The following SETMAR variants were observed in gnomAD, a reference collection of about 807,000 sequenced individuals.
The protein encoded by SETMAR is histone-lysine N-methyltransferase SETMAR.
In SETMAR, 44 loss-of-function variants were observed where a neutral mutation model predicts 58.4. The ratio of observed to expected loss-of-function variants is 0.75; its 90% CI spans 0.59 to 0.97. SETMAR has a LOEUF of 0.97. Among genes scored for constraint, SETMAR ranks in the 50% least tolerant of loss-of-function variants. The pLI, the probability that SETMAR is intolerant of heterozygous loss-of-function variation, is 0.00. For missense variants in SETMAR, 903 were observed against 840.2 expected (o/e 1.07, Z -0.92); for synonymous variants, 332 against 307.4 (o/e 1.08, Z -0.84).
Position 4,313,718 on chromosome 3 carries a change from C to T in SETMAR, c.977C>T (p.Ser326Leu), listed in dbSNP as rs1245972193. Residue 326 changes from serine to leucine, a missense_variant, in exon 2 of 3, where the codon TCA (serine) becomes TTA (leucine). Transcript: ENST00000358065. Reference sequence around the variant, plus strand: ...GAGAAGGAACCCAGCATGTGTGGCTCAGCCCCTTCTGTGTTCCCCTCCTGC... The same window carrying T: ...GAGAAGGAACCCAGCATGTGTGGCTTAGCCCCTTCTGTGTTCCCCTCCTGC... ...GNEKEPSMCG[S>L]APSVFPSCKR... The T allele has an allele frequency of 6.2e-7, 1 of 1,614,060 alleles. No individual in the cohort carries two copies. Among genetic ancestry groups the T allele is most frequent in the African/African-American group, 1.3e-5 (1 of 75,024 alleles).
At position 4,303,531 on chromosome 3, in the gene SETMAR, G is replaced by T; in HGVS notation, c.156+5G>T. On this transcript the variant is annotated splice_donor_5th_base_variant and intron_variant, in intron 1 of 2. Transcript: ENST00000358065. ...GCCGCGCCGGCGCCCTTCCAGGTAGGGGCGGGGCCAGGCGGCGCGGGAGGC... is the reference window on the plus strand; with the variant it reads ...GCCGCGCCGGCGCCCTTCCAGGTAGTGGCGGGGCCAGGCGGCGCGGGAGGC... The T allele has an allele frequency of 7.2e-7, 1 of 1,394,514 alleles. No homozygotes were observed. Among genetic ancestry groups the T allele is most frequent in the Non-Finnish European group, 9.3e-7 (1 of 1,078,344 alleles). The allele number at this position is 1,394,514 out of a possible 1,614,324, so 86.4% of individuals were successfully genotyped here.
intron 1 of SETMAR, among the ~76,000 whole-genome samples, chr3:4,311,947 C>G (rs1411219454): frequency 6.6e-6 from 1 of 152,122 alleles, no homozygotes; most frequent in Non-Finnish European, 1.5e-5. Context: ...GAGGATCTAA[C>G]CAGAGATCAG....
chr3:4,312,573 T>G (rs1465482821), intron 1 of SETMAR, among the ~76,000 whole-genome samples: 1 of 152,110 alleles, frequency 6.6e-6, no homozygotes, highest in African/African-American at 2.4e-5. Flanking sequence ...TAGCTGGACA[T>G]GGTGGTTCCC....
Position 4,303,487 on chromosome 3 carries a change from G to T in SETMAR, c.117G>T (p.Val39=). ...CGTGCGGCCAGGAAAACTTGCCGGT[G>T]GGCGCGTGGCCCCCGGGGGCCGCGC... is the stretch of plus-strand genomic sequence containing the variant. The part of the protein sequence containing the change: ...DVACGQENLP[V]GAWPPGAAPA... Residue 39 remains valine (V), a synonymous_variant, in exon 1 of 3, where the codon GTG becomes GTT. Coordinates refer to ENST00000358065, the MANE Select transcript of SETMAR (RefSeq NM_006515.4). The T allele has an allele frequency of 6.0e-6, 9 of 1,498,730 alleles. No individual in the cohort carries two copies. Among genetic ancestry groups the T allele is most frequent in the Non-Finnish European group, 5.3e-6 (6 of 1,129,198 alleles). The allele number at this position is 1,498,730 out of a possible 1,614,324, so 92.8% of individuals were successfully genotyped here.
rs769640075 is a variant in SETMAR, at chr3:4,313,513, C to T, written c.772C>T (p.Leu258Phe). 6.2e-7 allele frequency: 1 copy of T among 1,613,898 alleles called. No individual in the cohort carries two copies. Among genetic ancestry groups the T allele is most frequent in the Non-Finnish European group, 8.5e-7 (1 of 1,179,892 alleles). The change falls in exon 2 of 3, where the codon CTC (leucine) becomes TTC (phenylalanine). Residue 258 changes from leucine (L) to phenylalanine (F), a missense_variant. Transcript: ENST00000358065. ...AAKDIVPEEELSYDYSGRYLN... is the reference protein window; with the variant it reads ...AAKDIVPEEEFSYDYSGRYLN... The stretch of plus-strand genomic sequence containing the variant: ...CAAAGATATTGTGCCAGAAGAAGAA[C>T]TCTCTTATGATTATTCAGGAAGATA...
intron 1 of SETMAR, among the ~76,000 whole-genome samples, 195 bp from the exon 2 acceptor site, chr3:4,312,703 T>TAA (rs375529794): frequency 0.22 from 30,201 of 135,594 alleles, 3,526 homozygotes; most frequent in South Asian, 0.41. Context: ...CCCTGTCTCT[T>TAA]AAAAAAAAAA....
intron 2 of SETMAR, among the ~76,000 whole-genome samples, chr3:4,314,586 A>C (rs561629920): frequency 6.6e-6 from 1 of 152,268 alleles, no homozygotes; most frequent in East Asian, 1.9e-4. Context: ...TTCATTATAT[A>C]CTTGGCTGTA....
chr3:4,303,769 CT>C, intron 1 of SETMAR: 1 of 1,457,636 alleles, frequency 6.9e-7, no homozygotes, highest in Non-Finnish European at 9.2e-7. Context: ...AACCGGAGGC[CT>C]TGTGAGAACC....
At chr3:4,306,149 T>A (rs1383371538) in intron 1 of SETMAR, among the ~76,000 whole-genome samples, 1 of 152,214 alleles carries the variant, frequency 6.6e-6, no homozygotes, top group Non-Finnish European at 1.5e-5. Flanking sequence ...CGTGCGTGTG[T>A]GTGTGCGTTT....
chr3:4,312,761 AG>A, intron 1 of SETMAR, 136 bp from the exon 2 acceptor site: 1 of 893,596 alleles, frequency 1.1e-6, no homozygotes, highest in South Asian at 2.2e-5. Context: ...ACAATATCTT[AG>A]TATGCTGTGT....
Position 4,316,970 on chromosome 3 carries a change from T to A in SETMAR, c.1779T>A (p.His593Gln), listed in dbSNP as rs115355111. The A allele has an allele frequency of 1.2e-3, 1,895 of 1,549,450 alleles. 28 individuals are homozygous for A. In the African/African-American group the frequency reaches 0.023, roughly 19 times the overall value. ...PILLHDNARP[H>Q]VAQPTLQKLN... ...TTCTCCACGACAATGCCCGACCGCA[T>A]GTTGCACAACCCACACTTCAAAAGT... The change falls in exon 3 of 3, where the codon CAT (histidine) becomes CAA (glutamine). Residue 593 changes from histidine to glutamine, a missense_variant. His to Gln is a conservative substitution (Grantham distance 24, BLOSUM62 0). Transcript: ENST00000358065.
In SETMAR at chr3:4,305,529, A is replaced by G. The variant is rs147245805; in HGVS notation, c.156+2003A>G. ...CCTTGTTGTGGAAAGAAAGAAAAAG[A>G]GGGGGAAAGGGGATTCTCTATAGAA... On this transcript the variant is annotated intron_variant, in intron 1 of 2. Coordinates refer to ENST00000358065, the MANE Select transcript of SETMAR (RefSeq NM_006515.4). 1.7e-3 allele frequency among the ~76,000 whole-genome samples: 266 copies of G among 152,330 alleles called. 3 individuals are homozygous for G. In the East Asian group the frequency reaches 0.019, roughly 11 times the overall value.
chr3:4,315,009 A>C (rs970951346), intron 2 of SETMAR, among the ~76,000 whole-genome samples: 7 of 152,178 alleles, frequency 4.6e-5, no homozygotes, highest in African/African-American at 1.7e-4. Flanking sequence ...ATTATATCTC[A>C]ATAAAGCTAG....
At chr3:4,303,814 A>G (rs1279247840) in intron 1 of SETMAR, 1 of 1,381,762 alleles carries the variant, frequency 7.2e-7, no homozygotes, top group Non-Finnish European at 9.6e-7. Flanking sequence ...TCAGAACTCA[A>G]GGAGGCATCA....
At chr3:4,316,153 A>G (rs1445386745) in intron 2 of SETMAR, 59 bp from the exon 3 acceptor site, 1 of 622,570 alleles carries the variant, frequency 1.6e-6, no homozygotes, top group Non-Finnish European at 2.9e-6. Flanking sequence ...CATTTTAATG[A>G]GCATTTCTTT....
At chr3:4,316,046 CAAA>C (rs774059331) in intron 2 of SETMAR, among the ~76,000 whole-genome samples, 163 bp from the exon 3 acceptor site, 1,548 of 76,860 alleles carry the variant, frequency 0.02, 20 homozygotes, top group African/African-American at 0.061. Context: ...GACTCTGTCT[CAAA>C]AAAAAAAAAA....
Position 4,315,307 on chromosome 3 carries a change from T to C in SETMAR, c.1021-905T>C, listed in dbSNP as rs185372802. 3.3e-5 allele frequency among the ~76,000 whole-genome samples: 5 copies of C among 152,328 alleles called. No homozygotes were observed. The East Asian group carries it at 9.6e-4, about 29-fold the overall frequency. On this transcript the variant is annotated intron_variant, in intron 2 of 2. Coordinates refer to ENST00000358065, the MANE Select transcript of SETMAR (RefSeq NM_006515.4). ...TAACTGAGCTGCTTCAGACGCAATA[T>C]GGAAGTGGTTAGAAGGAAAATGATT... is the stretch of plus-strand genomic sequence containing the variant.
chr3:4,314,577 T>G (rs1265764978), intron 2 of SETMAR, among the ~76,000 whole-genome samples: 2 of 152,156 alleles, frequency 1.3e-5, no homozygotes, highest in Non-Finnish European at 2.9e-5. Flanking sequence ...TTTTTCATTT[T>G]CATTATATAC....
intron 1 of SETMAR, among the ~76,000 whole-genome samples, chr3:4,312,591 G>C (rs1698449399): frequency 6.6e-6 from 1 of 151,746 alleles, no homozygotes; most frequent in Non-Finnish European, 1.5e-5. Flanking sequence ...CCCACTTGTA[G>C]CTGTAGCAGC....
Sources: gnomAD v4.1 joint callset for allele counts (sites outside exome capture counted in the v4.1 genomes callset) on GRCh38, gnomAD v4.1.1 for gene constraint, MANE v1.5 for transcripts, NCBI Gene and HGNC (gene_info 2026-07-23, HGNC 2026-07-21) for gene names.